SRGAP1: variants seen among roughly 807,000 people sequenced by gnomAD.
SRGAP1 encodes the protein SLIT-ROBO Rho GTPase-activating protein 1.
SRGAP1 carries 43 observed loss-of-function variants against 121.9 expected under a neutral mutation model. The observed-to-expected ratio is 0.35, with a 90% CI of 0.28 to 0.46. The LOEUF (loss-of-function observed/expected upper bound fraction) is 0.46, where lower values mean the gene tolerates loss of function less well. Among genes scored for constraint, SRGAP1 ranks in the 20% least tolerant of loss-of-function variants. The probability of loss-of-function intolerance (pLI) is 1.00; values close to 1 mark genes in which losing one functional copy is unlikely to be tolerated. For missense variants in SRGAP1, 1,102 were observed against 1,350.9 expected (o/e 0.82, Z 2.89); for synonymous variants, 447 against 485.4 (o/e 0.92, Z 1.04).
chr12:63,956,499 G>T (rs1254281203), intron 1 of SRGAP1, among the ~76,000 whole-genome samples: 1 of 152,184 alleles, frequency 6.6e-6, no homozygotes, highest in Non-Finnish European at 1.5e-5. Flanking sequence ...TTGTGTAAAC[G>T]CCTTTAAAAG....
chr12:63,852,021 C>G (rs536630621), intron 1 of SRGAP1, among the ~76,000 whole-genome samples: 6 of 152,310 alleles, frequency 3.9e-5, no homozygotes, highest in Middle Eastern at 3.4e-3. Flanking sequence ...GGGTCTCGCT[C>G]TGTTGCTCAG....
chr12:63,888,262 CCTT>C (rs1343679148), intron 1 of SRGAP1: 1 of 152,180 alleles, frequency 6.6e-6, no homozygotes, highest in East Asian at 1.9e-4. Context: ...CTTCATCTGA[CCTT>C]CTGTAGAGAC....
At position 64,148,495 on chromosome 12, in the gene SRGAP1, T is replaced by C. The variant is rs2037085251; in HGVS notation, c.*5823T>C. ...CGGGGTTTCACCATGTTGGCCAGGC[T>C]GGTCTCAAACTCCTGACCTAAAGTG... On this transcript the variant is annotated 3_prime_UTR_variant, in exon 22 of 22. Transcript: ENST00000355086. The C allele has an allele frequency of 6.6e-6, 1 of 152,006 alleles. No homozygotes were observed. Among genetic ancestry groups the C allele is most frequent in the African/African-American group, 2.4e-5 (1 of 41,338 alleles). 9.4% of individuals were successfully genotyped at this position (152,006 alleles called of 1,614,324 possible). A position where few individuals can be genotyped will look rare whatever the true frequency, so the allele number is the denominator to read the frequency against.
Position 63,989,901 on chromosome 12 carries a change from ACTT to A in SRGAP1, c.264-5_264-3del. On this transcript the variant is annotated splice_region_variant and splice_polypyrimidine_tract_variant and intron_variant, in intron 2 of 21. Coordinates refer to ENST00000355086, the MANE Select transcript of SRGAP1 (RefSeq NM_020762.4). ...ATGGGTGGTAATTCTGTGTTTCTTC[ACTT>A]CTTAGGAAAGACCAGAACCTGTTGT... is the stretch of plus-strand genomic sequence containing the variant. 2 of 1,585,874 alleles carry A rather than the reference ACTT, an allele frequency of 1.3e-6. No homozygotes were observed. Among genetic ancestry groups the A allele is most frequent in the South Asian group, 1.2e-5 (1 of 85,320 alleles).
intron 4 of SRGAP1, among the ~76,000 whole-genome samples, chr12:64,030,650 A>C (rs2034756122): frequency 6.6e-6 from 1 of 152,226 alleles, no homozygotes; most frequent in Non-Finnish European, 1.5e-5. Context: ...AAATAGAAGC[A>C]TGTAGCATAT....
In SRGAP1 at chr12:64,146,250, G is replaced by A. The variant is rs1305234199; in HGVS notation, c.*3578G>A. 1 of 152,194 alleles carries A rather than the reference G, an allele frequency of 6.6e-6. No homozygotes were observed. Among genetic ancestry groups the A allele is most frequent in the African/African-American group, 2.4e-5 (1 of 41,444 alleles). The allele number at this position is 152,194 out of a possible 1,614,324, so 9.4% of individuals were successfully genotyped here. ...GGCTTTGGTGCCCCTTGAGCCACCT[G>A]TAGAATAATTTATAGCAGGGTCCCA... is the stretch of plus-strand genomic sequence containing the variant. On this transcript the variant is annotated 3_prime_UTR_variant, in exon 22 of 22. Coordinates refer to ENST00000355086, the MANE Select transcript of SRGAP1 (RefSeq NM_020762.4).
chr12:63,891,983 CAAAAAAAAA>C (rs10716009), intron 1 of SRGAP1, among the ~76,000 whole-genome samples: 2 of 96,346 alleles, frequency 2.1e-5, no homozygotes, highest in Non-Finnish European at 4.3e-5. Flanking sequence ...AAGACTGTCT[CAAAAAAAAA>C]AAAAAAAGAA....
chr12:63,873,152 G>C (rs1313824992), intron 1 of SRGAP1, among the ~76,000 whole-genome samples: 2 of 152,138 alleles, frequency 1.3e-5, no homozygotes, highest in Non-Finnish European at 2.9e-5. Flanking sequence ...CAGTGTAAGT[G>C]AATTTTACAT....
chr12:64,044,324 TC>T (rs1285699539), intron 6 of SRGAP1, among the ~76,000 whole-genome samples: 1 of 151,930 alleles, frequency 6.6e-6, no homozygotes, highest in Non-Finnish European at 1.5e-5. Flanking sequence ...AACACAAAAA[TC>T]CCATGTCCAA....
Position 64,144,672 on chromosome 12 carries a change from G to T in SRGAP1, c.*2000G>T, listed in dbSNP as rs968125502. 6.6e-6 allele frequency: 1 copy of T among 151,982 alleles called. No individual in the cohort carries two copies. The highest frequency in any genetic ancestry group is 1.5e-5 in the Non-Finnish European group (1 of 68,054). The allele number at this position is 151,982 out of a possible 1,614,324, so 9.4% of individuals were successfully genotyped here. Reference sequence around the variant, plus strand: ...CATTTTGAAAAAGAAGCCCAGGACAGCACCTTGTCTAGCCCCTCCCCATTT... The same window carrying T: ...CATTTTGAAAAAGAAGCCCAGGACATCACCTTGTCTAGCCCCTCCCCATTT... On this transcript the variant is annotated 3_prime_UTR_variant, in exon 22 of 22. Coordinates refer to ENST00000355086, the MANE Select transcript of SRGAP1 (RefSeq NM_020762.4).
intron 1 of SRGAP1, among the ~76,000 whole-genome samples, chr12:63,896,177 T>C (rs187648628): frequency 6.6e-6 from 1 of 152,078 alleles, no homozygotes; most frequent in East Asian, 1.9e-4. Flanking sequence ...TTTGTGGGGG[T>C]TAAATGATCT....
At chr12:64,131,076 A>G (rs1592350288) in intron 21 of SRGAP1, among the ~76,000 whole-genome samples, 1 of 152,198 alleles carries the variant, frequency 6.6e-6, no homozygotes. Flanking sequence ...AGTAACCTCC[A>G]TCCCTGCCAC....
At chr12:63,940,005 A>G (rs2136349035) in intron 1 of SRGAP1, among the ~76,000 whole-genome samples, 1 of 151,292 alleles carries the variant, frequency 6.6e-6, no homozygotes, top group East Asian at 2.0e-4. Flanking sequence ...TCTGTCGCCC[A>G]GGCTGGAATG....
At chr12:63,959,788 G>T (rs2032585110) in intron 1 of SRGAP1, among the ~76,000 whole-genome samples, 2 of 152,094 alleles carry the variant, frequency 1.3e-5, no homozygotes, top group Non-Finnish European at 2.9e-5. Flanking sequence ...CTCCTTTAAA[G>T]ATGAAGAAAC....
At chr12:63,880,176 G>A (rs182918440) in intron 1 of SRGAP1, among the ~76,000 whole-genome samples, 65 of 152,112 alleles carry the variant, frequency 4.3e-4, no homozygotes, top group African/African-American at 1.4e-3. Context: ...CTCCTCCTTC[G>A]CCTACCGCCA....
At chr12:63,918,293 C>G (rs577495357) in intron 1 of SRGAP1, among the ~76,000 whole-genome samples, 1 of 152,210 alleles carries the variant, frequency 6.6e-6, no homozygotes, top group South Asian at 2.1e-4. Context: ...GATGAGAAAA[C>G]GGAAACCCAG....
intron 6 of SRGAP1, among the ~76,000 whole-genome samples, chr12:64,045,344 T>G (rs1222566080): frequency 6.6e-6 from 1 of 152,080 alleles, no homozygotes. Flanking sequence ...TTCTCCAAGG[T>G]ATAGGGAATA....
intron 1 of SRGAP1, among the ~76,000 whole-genome samples, chr12:63,861,287 C>CATAT (rs368154902): frequency 7.3e-4 from 100 of 137,710 alleles, no homozygotes; most frequent in African/African-American, 1.6e-3. Flanking sequence ...GGATGGTAGG[C>CATAT]ATATATATAT....
At chr12:64,108,446 T>C (rs2036380269) in intron 15 of SRGAP1, among the ~76,000 whole-genome samples, 1 of 152,134 alleles carries the variant, frequency 6.6e-6, no homozygotes, top group East Asian at 1.9e-4. Flanking sequence ...TAATACAAGG[T>C]GAAAAGTCAT....
Sources: gnomAD v4.1 joint callset for allele counts (sites outside exome capture counted in the v4.1 genomes callset) on GRCh38, gnomAD v4.1.1 for gene constraint, MANE v1.5 for transcripts, NCBI Gene and HGNC (gene_info 2026-07-23, HGNC 2026-07-21) for gene names.